Variants in HDGFL3 observed in about 807,000 individuals in gnomAD.
The protein encoded by HDGFL3 is hepatoma-derived growth factor-related protein 3.
In HDGFL3, 6 loss-of-function variants were observed where a neutral mutation model predicts 27.6. The ratio of observed to expected loss-of-function variants is 0.22; its 90% confidence interval spans 0.12 to 0.43. The LOEUF is 0.43. Among genes scored for constraint, HDGFL3 ranks in the 20% least tolerant of loss-of-function variants. The pLI is 1.00. For synonymous variants in HDGFL3, 88 were observed against 88.9 expected (o/e 0.99, Z 0.05); for missense variants, 207 against 250.1 (o/e 0.83, Z 1.16).
At chr15:83,183,399 G>A (rs2037402921) in intron 1 of HDGFL3, among the ~76,000 whole-genome samples, 2 of 152,152 alleles carry the variant, frequency 1.3e-5, no homozygotes, top group Admixed American at 1.3e-4. Flanking sequence ...GTGCCCTGCT[G>A]TCTACAACTT....
At chr15:83,121,444 T>C (rs1290430817) in intron 3 of HDGFL3, among the ~76,000 whole-genome samples, 1 of 152,200 alleles carries the variant, frequency 6.6e-6, no homozygotes, top group Non-Finnish European at 1.5e-5. Context: ...CTTTGCAACA[T>C]GGGGTACATG....
chr15:83,176,458 G>A (rs761154065), intron 1 of HDGFL3, among the ~76,000 whole-genome samples: 11 of 152,048 alleles, frequency 7.2e-5, no homozygotes, highest in Non-Finnish European at 1.3e-4. Flanking sequence ...AGATACTAAG[G>A]GGATATACAG....
rs1161793568 is a variant in HDGFL3, at chr15:83,151,337, A to T, written c.484T>A (p.Ser162Thr). Residue 162 changes from serine to threonine, a missense_variant, in exon 5 of 6, where the codon TCT becomes ACT. Transcript: ENST00000299633. ...SKKSSKQSRKSPGDEDDKDCK... is the reference protein window; with the variant it reads ...SKKSSKQSRKTPGDEDDKDCK... Reference sequence around the variant, plus strand: ...TCTTTGTCATCTTCATCTCCTGGAGATTTCCGGGACTGTTTAGAGGATTTC... The same window carrying T: ...TCTTTGTCATCTTCATCTCCTGGAGTTTTCCGGGACTGTTTAGAGGATTTC... The T allele has an allele frequency of 6.2e-7, 1 of 1,612,936 alleles. No homozygotes were observed. Among genetic ancestry groups the T allele is most frequent in the South Asian group, 1.1e-5 (1 of 90,894 alleles).
At chr15:83,173,646 T>C (rs952551270) in intron 1 of HDGFL3, among the ~76,000 whole-genome samples, 41 of 152,182 alleles carry the variant, frequency 2.7e-4, no homozygotes, top group African/African-American at 9.4e-4. Context: ...ATGTTCTCTT[T>C]CCAAGCAACC....
intron 5 of HDGFL3, chr15:83,144,742 G>A (rs758925155): frequency 2.9e-6 from 1 of 345,952 alleles, no homozygotes; most frequent in Non-Finnish European, 5.7e-6. Context: ...CTGCATTTTG[G>A]TATCTCAGTT....
downstream of HDGFL3, chr15:83,122,757 G>A: frequency 1.2e-6 from 2 of 1,613,076 alleles, no homozygotes; most frequent in Non-Finnish European, 1.7e-6. Context: ...TTTTAAATAG[G>A]GAAGTATGGA....
intron 1 of HDGFL3, among the ~76,000 whole-genome samples, chr15:83,206,448 G>C (rs753762569): frequency 6.6e-6 from 1 of 152,142 alleles, no homozygotes; most frequent in Non-Finnish European, 1.5e-5. Context: ...AAAACACAAA[G>C]CACACATGGC....
intron 1 of HDGFL3, among the ~76,000 whole-genome samples, chr15:83,200,856 C>CTTTTTTTTTTTTT (rs200038603): frequency 8.3e-6 from 1 of 120,178 alleles, no homozygotes; most frequent in Non-Finnish European, 1.8e-5. Context: ...TTACTTTATT[C>CTTTTTTTTTTTTT]TTTTTTTTTT....
rs1050183849 is a variant in HDGFL3 at position 83,148,635 on chromosome 15, T to A, written c.606+2580A>T. On this transcript the variant is annotated intron_variant, in intron 5 of 5. Transcript: ENST00000299633. Reference sequence around the variant, plus strand: ...AGACTCCGTCTCGAAAAAAAAAAAATAATAATAATAATTGCAAAAAGCTGG... The same window carrying A: ...AGACTCCGTCTCGAAAAAAAAAAAAAAATAATAATAATTGCAAAAAGCTGG... Among the ~76,000 whole-genome samples, 315 of 149,048 alleles carry A rather than the reference T, an allele frequency of 2.1e-3. 2 individuals are homozygous for A. The highest frequency in any genetic ancestry group is 0.01 in the Middle Eastern group (3 of 288).
chr15:83,127,490 T>C, downstream of HDGFL3: 1 of 1,612,796 alleles, frequency 6.2e-7, no homozygotes, highest in Non-Finnish European at 8.5e-7. Flanking sequence ...ACTAAGAATA[T>C]TCTGTTGAGA....
intron 1 of HDGFL3, among the ~76,000 whole-genome samples, chr15:83,194,561 G>A (rs756335684): frequency 4.6e-5 from 7 of 152,136 alleles, no homozygotes; most frequent in Non-Finnish European, 8.8e-5. Flanking sequence ...TACATTCTAT[G>A]TATTTTTACA....
At chr15:83,187,657 G>A (rs977938357) in intron 1 of HDGFL3, among the ~76,000 whole-genome samples, 5 of 152,160 alleles carry the variant, frequency 3.3e-5, no homozygotes, top group Admixed American at 6.5e-5. Flanking sequence ...GGGAGGCTGA[G>A]GCGGGCGGAT....
Position 83,207,576 on chromosome 15 carries a change from AG to A in HDGFL3, c.-163del, listed in dbSNP as rs1290617322. ...AAGCGGCGAGGCGGCGGCTGAGGCA[AG>A]GGGTGGGCGGGGGGCGCAGCAGGCC... On this transcript the variant is annotated 5_prime_UTR_variant, in exon 1 of 6. Transcript: ENST00000299633. The surrounding 1 kb of genome is among the most constrained non-coding windows in gnomAD (Gnocchi z 4.8). 1.9e-5 allele frequency: 8 copies of A among 415,344 alleles called. No individual in the cohort carries two copies. Among genetic ancestry groups the A allele is most frequent in the Non-Finnish European group, 2.4e-5 (6 of 254,536 alleles). 25.7% of individuals were successfully genotyped at this position (415,344 alleles called of 1,614,324 possible).
Position 83,136,532 on chromosome 15 carries a change from TA to T in HDGFL3, c.*2737del, listed in dbSNP as rs764193830. ...TCTTCATGCTAGAACTGCTTATGTCTACAGAGTCCCTGAAGAAGCAAAAATC... is the reference window on the plus strand; with the variant it reads ...TCTTCATGCTAGAACTGCTTATGTCTCAGAGTCCCTGAAGAAGCAAAAATC... On this transcript the variant is annotated 3_prime_UTR_variant, in exon 6 of 6. Transcript: ENST00000299633. The T allele has an allele frequency of 6.2e-7, 1 of 1,612,918 alleles. No individual in the cohort carries two copies. The highest frequency in any genetic ancestry group is 1.1e-5 in the South Asian group (1 of 90,678).
Position 83,157,523 on chromosome 15 carries a change from A to G in HDGFL3, c.351T>C (p.Thr117=). 2 of 1,613,786 alleles carry G rather than the reference A, an allele frequency of 1.2e-6. No homozygotes were observed. Residue 117 remains threonine, a synonymous_variant, in exon 4 of 6, where the codon ACT becomes ACC. Coordinates refer to ENST00000299633, the MANE Select transcript of HDGFL3 (RefSeq NM_016073.4). The part of the protein sequence containing the change: ...SSETEGEGGN[T]ADASSEEEGD... ...CTTCTTCCTCACTGCTTGCATCTGCAGTATTTCCACCTTCTCCCTCAGTTT... is the reference window on the plus strand; with the variant it reads ...CTTCTTCCTCACTGCTTGCATCTGCGGTATTTCCACCTTCTCCCTCAGTTT...
chr15:83,148,171 T>A (rs1330274781), intron 5 of HDGFL3, among the ~76,000 whole-genome samples: 1 of 152,250 alleles, frequency 6.6e-6, no homozygotes, highest in East Asian at 1.9e-4. Flanking sequence ...AATGTCCAAC[T>A]ACTACGGAAA....
At chr15:83,125,125 A>C (rs955701391), downstream of HDGFL3, among the ~76,000 whole-genome samples, 6 of 152,190 alleles carry the variant, frequency 3.9e-5, no homozygotes, top group Admixed American at 3.9e-4. Context: ...GGACTGCAAC[A>C]CAACTGTGGC....
chr15:83,200,283 G>A (rs979681759), intron 1 of HDGFL3, among the ~76,000 whole-genome samples: 7 of 150,640 alleles, frequency 4.6e-5, no homozygotes, highest in Admixed American at 1.3e-4. Flanking sequence ...TGCAGTGAGC[G>A]GAGATCCCGC....
intron 5 of HDGFL3, among the ~76,000 whole-genome samples, chr15:83,148,380 G>C (rs1019791110): frequency 2.6e-5 from 4 of 152,030 alleles, no homozygotes; most frequent in Non-Finnish European, 5.9e-5. Flanking sequence ...CCAGCACTTT[G>C]GGAGGCTGAG....
Sources: gnomAD v4.1 joint callset for allele counts (sites outside exome capture counted in the v4.1 genomes callset) on GRCh38, gnomAD v4.1.1 for gene constraint, Gnocchi (gnomAD v3.1) non-coding constraint, MANE v1.5 for transcripts, NCBI Gene and HGNC (gene_info 2026-07-23, HGNC 2026-07-21) for gene names.